Variants in CHRDL2 observed in about 807,000 individuals in gnomAD.
CHRDL2 encodes chordin like 2, also known as chordin-like protein 2.
In CHRDL2, 41 loss-of-function variants were observed where a neutral mutation model predicts 54.3. The ratio of observed to expected loss-of-function variants is 0.76; its 90% CI spans 0.59 to 0.98. The LOEUF is 0.98. Among genes scored for constraint, CHRDL2 ranks in the 50% least tolerant of loss-of-function variants. The pLI, the probability that CHRDL2 is intolerant of heterozygous loss-of-function variation, is 0.00. For missense variants in CHRDL2, 518 were observed against 562.4 expected (o/e 0.92, Z 0.80); for synonymous variants, 220 against 224.3 (o/e 0.98, Z 0.17).
chr11:74,719,141 C>T (rs963980763), intron 1 of CHRDL2: 4 of 247,834 alleles, frequency 1.6e-5, no homozygotes, highest in African/African-American at 2.3e-5. Context: ...ATGGTATCAG[C>T]GTTAATTATT....
At chr11:74,720,394 C>T (rs1350963248) in intron 1 of CHRDL2, 1 of 154,056 alleles carries the variant, frequency 6.5e-6, no homozygotes, top group Non-Finnish European at 1.5e-5. Context: ...GCCTAAAGTC[C>T]TCCGCTAGGA....
At chr11:74,722,455 A>C (rs1177890279) in intron 1 of CHRDL2, among the ~76,000 whole-genome samples, 1 of 152,154 alleles carries the variant, frequency 6.6e-6, no homozygotes, top group African/African-American at 2.4e-5. Flanking sequence ...AACTAATAAC[A>C]ATCTTTACCT....
intron 3 of CHRDL2, among the ~76,000 whole-genome samples, chr11:74,711,364 T>C (rs1170894393): frequency 6.6e-6 from 1 of 152,186 alleles, no homozygotes; most frequent in African/African-American, 2.4e-5. Flanking sequence ...CCAGGCACTG[T>C]TCTAGGTGCT....
chr11:74,702,098 A>G (rs1315180966), intron 9 of CHRDL2, among the ~76,000 whole-genome samples: 1 of 152,082 alleles, frequency 6.6e-6, no homozygotes, highest in Non-Finnish European at 1.5e-5. Context: ...TACAAAAAAA[A>G]TACAAAAATT....
At chr11:74,702,112 TG>T (rs1385039846) in intron 9 of CHRDL2, among the ~76,000 whole-genome samples, 3 of 151,916 alleles carry the variant, frequency 2.0e-5, no homozygotes, top group Non-Finnish European at 4.4e-5. Flanking sequence ...AAAAATTAGC[TG>T]GGCGTGGTGG....
intron 9 of CHRDL2, among the ~76,000 whole-genome samples, chr11:74,702,321 A>G (rs2033844878): frequency 1.3e-5 from 2 of 151,978 alleles, no homozygotes; most frequent in Non-Finnish European, 2.9e-5. Flanking sequence ...ATTGTTGAAG[A>G]GGGTGGGTTT....
At chr11:74,724,423 A>G (rs2034541562) in intron 1 of CHRDL2, among the ~76,000 whole-genome samples, 2 of 152,242 alleles carry the variant, frequency 1.3e-5, no homozygotes, top group African/African-American at 4.8e-5. Context: ...CAGGACAGCA[A>G]TGTTTACCAG....
At chr11:74,706,004 G>C (rs1254427805) in intron 6 of CHRDL2, among the ~76,000 whole-genome samples, 2 of 152,270 alleles carry the variant, frequency 1.3e-5, no homozygotes, top group Non-Finnish European at 1.5e-5. Context: ...TCTCAGATCA[G>C]AGACAGCTGT....
chr11:74,716,540 C>CAAAAAAAAA (rs751918696), intron 2 of CHRDL2, among the ~76,000 whole-genome samples: 6 of 57,592 alleles, frequency 1.0e-4, no homozygotes, highest in South Asian at 4.9e-4. Context: ...ACTCCATCTC[C>CAAAAAAAAA]AAAAAAAAAA....
chr11:74,719,044 TGG>T lies in CHRDL2; in HGVS notation c.83-214_83-213del, dbSNP rs1270854199. On this transcript the variant is annotated intron_variant, in intron 1 of 10. Coordinates refer to ENST00000376332, the MANE Select transcript of CHRDL2 (RefSeq NM_001278473.3). ...TTACCACACACTTACTGTGCAACACTGGGCATGCCACTGTCTCTGAGCCTTAA... is the reference window on the plus strand; with the variant it reads ...TTACCACACACTTACTGTGCAACACTGCATGCCACTGTCTCTGAGCCTTAA... 6 of 552,506 alleles carry T rather than the reference TGG, an allele frequency of 1.1e-5. No homozygotes were observed. The East Asian group carries it at 1.8e-4, about 17-fold the overall frequency. 34.2% of individuals were successfully genotyped at this position (552,506 alleles called of 1,614,324 possible). A position where few individuals can be genotyped will look rare whatever the true frequency, so the allele number is the denominator to read the frequency against.
At chr11:74,721,954 C>T (rs1008085295) in intron 1 of CHRDL2, among the ~76,000 whole-genome samples, 1 of 152,186 alleles carries the variant, frequency 6.6e-6, no homozygotes, top group African/African-American at 2.4e-5. Context: ...CCTTAGAACA[C>T]AAAGCTTCTA....
intron 7 of CHRDL2, among the ~76,000 whole-genome samples, chr11:74,704,206 C>T (rs187425103): frequency 2.0e-5 from 3 of 152,290 alleles, no homozygotes; most frequent in East Asian, 1.9e-4. Flanking sequence ...AGCAAAGACT[C>T]GGTAGATGCT....
intron 6 of CHRDL2, 82 bp from the exon 7 acceptor site, chr11:74,704,736 G>A (rs912940131): frequency 1.9e-5 from 27 of 1,431,396 alleles, no homozygotes; most frequent in Non-Finnish European, 2.5e-5. Context: ...ACAGGCTGCA[G>A]CAAGAGGCTG....
chr11:74,717,302 C>T (rs1031845278), intron 2 of CHRDL2, among the ~76,000 whole-genome samples: 3 of 152,160 alleles, frequency 2.0e-5, no homozygotes, highest in Admixed American at 6.5e-5. Flanking sequence ...AGCAAAAGTC[C>T]TCTGGGTTGA....
At chr11:74,705,681 C>T (rs927960727) in intron 6 of CHRDL2, among the ~76,000 whole-genome samples, 2 of 152,130 alleles carry the variant, frequency 1.3e-5, no homozygotes, top group African/African-American at 2.4e-5. Context: ...CGCACTGCCT[C>T]CTAGGAAGAG....
At chr11:74,724,573 C>T (rs2034543474) in intron 1 of CHRDL2, among the ~76,000 whole-genome samples, 2 of 152,210 alleles carry the variant, frequency 1.3e-5, no homozygotes, top group Non-Finnish European at 2.9e-5. Flanking sequence ...CACCAGCCCC[C>T]AGGCCTCCTC....
chr11:74,701,302 A>G lies in CHRDL2; in HGVS notation c.1120+1492T>C. On this transcript the variant is annotated intron_variant, in intron 9 of 10. Coordinates refer to ENST00000376332, the MANE Select transcript of CHRDL2 (RefSeq NM_001278473.3). ...TGTGACTGCCCAAGGCCACACAGCT[A>G]AGATATAGCAGAGTCTGGATTCAAA... 1.5e-5 allele frequency: 5 copies of G among 336,104 alleles called. No individual in the cohort carries two copies. The East Asian group carries it at 2.3e-4, about 15-fold the overall frequency. The allele number at this position is 336,104 out of a possible 1,614,324, so 20.8% of individuals were successfully genotyped here.
chr11:74,714,490 A>T (rs1379391962), intron 2 of CHRDL2, among the ~76,000 whole-genome samples: 1 of 152,166 alleles, frequency 6.6e-6, no homozygotes, highest in Non-Finnish European at 1.5e-5. Context: ...GTTCCCTGAT[A>T]GCACTTCTCC....
At chr11:74,715,167 A>T (rs2034313967) in intron 2 of CHRDL2, among the ~76,000 whole-genome samples, 2 of 152,216 alleles carry the variant, frequency 1.3e-5, no homozygotes, top group East Asian at 3.8e-4. Flanking sequence ...TCTGGTGGGT[A>T]GACGTGGACT....
Sources: allele counts gnomAD v4.1 joint callset (sites outside exome capture counted in the v4.1 genomes callset), GRCh38; gene constraint gnomAD v4.1.1; transcripts MANE v1.5; gene names NCBI Gene and HGNC (gene_info 2026-07-23, HGNC 2026-07-21).